Variants in SPATA31E1 observed in about 807,000 individuals in gnomAD.
SPATA31E1 encodes the protein spermatogenesis-associated protein 31E1.
In SPATA31E1, 7 loss-of-function variants were observed where a neutral mutation model predicts 12.9. That is an observed-to-expected ratio of 0.54 (90% CI 0.31 to 1.02). The LOEUF (loss-of-function observed/expected upper bound fraction) is 1.02, where lower values mean the gene tolerates loss of function less well. SPATA31E1 is among the 50% of genes least tolerant of loss of function. The pLI is 0.05. For synonymous variants in SPATA31E1, 771 were observed against 719.0 expected (o/e 1.07, Z -1.16); for missense variants, 1,961 against 1,799.8 (o/e 1.09, Z -1.62).
rs1300141052 is a variant in SPATA31E1, at chr9:87,886,946, C to A, written c.2459C>A (p.Thr820Asn). The A allele has an allele frequency of 1.2e-6, 2 of 1,613,988 alleles. No homozygotes were observed. The highest frequency in any genetic ancestry group is 1.7e-6 in the Non-Finnish European group (2 of 1,180,024). Residue 820 changes from threonine (T) to asparagine (N), a missense_variant, in exon 4 of 4, where the codon ACC becomes AAC. Physicochemically the swap from Thr to Asn is moderately conservative, Grantham distance 65 (BLOSUM62 0). Transcript: ENST00000325643. ...SWRGGKAHVN[T>N]SQELSFLHPC... Reference sequence around the variant, plus strand: ...AGGGGTGGGAAAGCCCACGTGAACACCTCCCAGGAGCTTTCCTTCCTCCAT... The same window carrying A: ...AGGGGTGGGAAAGCCCACGTGAACAACTCCCAGGAGCTTTCCTTCCTCCAT...
In SPATA31E1 at chr9:87,885,221, C is replaced by T. The variant is rs1293725363; in HGVS notation, c.734C>T (p.Ser245Leu). ...CAGCCACATGTGGTTTTTCCTCCTT[C>T]ACCACAGCCGCATGGTCCCCTGGCC... ...ATQPHVVFPP[S>L]PQPHGPLASS... The change falls in exon 4 of 4, where the codon TCA (serine) becomes TTA (leucine). Residue 245 changes from serine to leucine, a missense_variant. Ser to Leu is a moderately radical substitution (Grantham distance 145). Transcript: ENST00000325643. 2 of 1,614,008 alleles carry T rather than the reference C, an allele frequency of 1.2e-6. No individual in the cohort carries two copies. The highest frequency in any genetic ancestry group is 1.7e-6 in the Non-Finnish European group (2 of 1,180,018).
chr9:87,888,083 G>C lies in SPATA31E1; in HGVS notation c.3596G>C (p.Gly1199Ala). 6.2e-7 allele frequency: 1 copy of C among 1,602,182 alleles called. No individual in the cohort carries two copies. Among genetic ancestry groups the C allele is most frequent in the Non-Finnish European group, 8.5e-7 (1 of 1,174,356 alleles). Reference sequence around the variant, plus strand: ...CCACAGAAGAGTCAGAAGACGCTGGGCTGTGCGGACAAGGGCGAGGCCCAC... The same window carrying C: ...CCACAGAAGAGTCAGAAGACGCTGGCCTGTGCGGACAAGGGCGAGGCCCAC... ...KAPQKSQKTL[G>A]CADKGEAHRR... Residue 1199 changes from glycine to alanine, a missense_variant, in exon 4 of 4, where the codon GGC becomes GCC. Physicochemically the swap from Gly to Ala is moderately conservative, Grantham distance 60. Coordinates refer to ENST00000325643, the MANE Select transcript of SPATA31E1 (RefSeq NM_178828.5).
rs1301650362 is a variant in SPATA31E1 at position 87,886,758 on chromosome 9, C to A, written c.2271C>A (p.Asp757Glu). ...QSVSSTPRDP[D>E]KEHLENKLQI... ...TAAGTTCCACACCCAGGGACCCAGA[C>A]AAGGAGCATCTGGAAAACAAGCTGC... The change falls in exon 4 of 4, where the codon GAC (aspartate) becomes GAA (glutamate). Residue 757 changes from aspartate to glutamate, a missense_variant. Coordinates refer to ENST00000325643, the MANE Select transcript of SPATA31E1 (RefSeq NM_178828.5). 1.2e-6 allele frequency: 2 copies of A among 1,614,024 alleles called. No individual in the cohort carries two copies. Among genetic ancestry groups the A allele is most frequent in the Non-Finnish European group, 1.7e-6 (2 of 1,180,030 alleles).
Position 87,887,697 on chromosome 9 carries a change from G to T in SPATA31E1, c.3210G>T (p.Leu1070=), listed in dbSNP as rs1828308645. Residue 1070 remains leucine, a synonymous_variant, in exon 4 of 4, where the codon CTG becomes CTT. Transcript: ENST00000325643. ...AGGATCTGAGGAGCACAGGGGCTCTGGGGACCACTGGTAACCCCTCAGCGT... is the reference window on the plus strand; with the variant it reads ...AGGATCTGAGGAGCACAGGGGCTCTTGGGACCACTGGTAACCCCTCAGCGT... ...VQEDLRSTGA[L]GTTGNPSASS... is the part of the protein sequence containing the mutation. The T allele has an allele frequency of 8.7e-6, 14 of 1,614,034 alleles. No individual in the cohort carries two copies. The South Asian group carries it at 1.5e-4, about 18-fold the overall frequency.
intron 1 of SPATA31E1, among the ~76,000 whole-genome samples, 154 bp downstream of exon 1, chr9:87,883,354 C>T (rs1828203543): frequency 6.6e-6 from 1 of 152,166 alleles, no homozygotes; most frequent in Non-Finnish European, 1.5e-5. Flanking sequence ...TGAGAGTGGG[C>T]AGAGGATTCC....
In SPATA31E1 at chr9:87,885,473, G is replaced by A. The variant is rs778966597; in HGVS notation, c.986G>A (p.Arg329Gln). The change falls in exon 4 of 4, where the codon CGG becomes CAG. Residue 329 changes from arginine (R) to glutamine (Q), a missense_variant. Transcript: ENST00000325643. ...TACTCACATGGCAAATCCCAGCCAC[G>A]GCATCTTCCCGACCACACCTCAGAG... The part of the protein sequence containing the change: ...STYSHGKSQP[R>Q]HLPDHTSEAS... The A allele has an allele frequency of 2.2e-5, 36 of 1,613,902 alleles. No homozygotes were observed. In the Middle Eastern group the frequency reaches 4.9e-4, roughly 22 times the overall value.
rs1828228677 is a variant in SPATA31E1, at chr9:87,884,588, C to T, written c.365-3C>T. The T allele has an allele frequency of 6.2e-7, 1 of 1,614,008 alleles. No individual in the cohort carries two copies. The highest frequency in any genetic ancestry group is 1.1e-5 in the South Asian group (1 of 91,074). The stretch of plus-strand genomic sequence containing the variant: ...CACCATAACCCTGTCTCCTGATTTC[C>T]AGCTTGCAGAATCCTCCTGAGGGAG... On this transcript the variant is annotated splice_polypyrimidine_tract_variant and splice_region_variant and intron_variant, in intron 2 of 3. Transcript: ENST00000325643.
chr9:87,888,370 G>T lies in SPATA31E1; in HGVS notation c.3883G>T (p.Asp1295Tyr), dbSNP rs1326472007. The T allele has an allele frequency of 1.2e-6, 2 of 1,614,096 alleles. No individual in the cohort carries two copies. Among genetic ancestry groups the T allele is most frequent in the Non-Finnish European group, 1.7e-6 (2 of 1,180,034 alleles). Residue 1295 changes from aspartate to tyrosine, a missense_variant, in exon 4 of 4, where the codon GAT (aspartate) becomes TAT (tyrosine). Coordinates refer to ENST00000325643, the MANE Select transcript of SPATA31E1 (RefSeq NM_178828.5). ...DVLQKGKPGA[D>Y]AFQSWGSGPP... ...CCTGCAGAAAGGCAAGCCTGGGGCA[G>T]ATGCTTTCCAGAGCTGGGGGTCTGG...
At position 87,888,493 on chromosome 9, in the gene SPATA31E1, G is replaced by A; in HGVS notation, c.4006G>A (p.Gly1336Arg). The part of the protein sequence containing the change: ...ILVDKLGLQW[G>R]RGPSEVNRHK... ...GGTGGACAAACTGGGGCTTCAGTGG[G>A]GACGAGGTCCCTCAGAGGTCAATCG... Residue 1336 changes from glycine (G) to arginine (R), a missense_variant, in exon 4 of 4, where the codon GGA (glycine) becomes AGA (arginine). Transcript: ENST00000325643. 2 of 1,614,132 alleles carry A rather than the reference G, an allele frequency of 1.2e-6. No individual in the cohort carries two copies. Among genetic ancestry groups the A allele is most frequent in the Non-Finnish European group, 1.7e-6 (2 of 1,180,018 alleles).
At position 87,886,611 on chromosome 9, in the gene SPATA31E1, A is replaced by T. The variant is rs1182061469; in HGVS notation, c.2124A>T (p.Leu708Phe). Residue 708 changes from leucine (L) to phenylalanine (F), a missense_variant, in exon 4 of 4, where the codon TTA (leucine) becomes TTT (phenylalanine). Leu to Phe is a conservative substitution (Grantham distance 22). Coordinates refer to ENST00000325643, the MANE Select transcript of SPATA31E1 (RefSeq NM_178828.5). ...GAAGGTTCTCTGACAAGGGGTGCTT[A>T]GGGTCCAAACTAGGGCCGGACCCAA... ...SSGRFSDKGC[L>F]GSKLGPDPSR... 6.2e-7 allele frequency: 1 copy of T among 1,614,070 alleles called. No homozygotes were observed. The highest frequency in any genetic ancestry group is 1.3e-5 in the African/African-American group (1 of 75,038).
chr9:87,885,843 G>A lies in SPATA31E1; in HGVS notation c.1356G>A (p.Ala452=), dbSNP rs201592883. 14 of 1,613,674 alleles carry A rather than the reference G, an allele frequency of 8.7e-6. No individual in the cohort carries two copies. The highest frequency in any genetic ancestry group is 1.1e-5 in the Non-Finnish European group (13 of 1,180,032). ...DLPSLNSESL[A]TTVWVSRNPS... ...CCTCTCTCAATAGCGAGTCCCTGGCGACCACAGTCTGGGTTTCTAGGAACC... is the reference window on the plus strand; with the variant it reads ...CCTCTCTCAATAGCGAGTCCCTGGCAACCACAGTCTGGGTTTCTAGGAACC... The change falls in exon 4 of 4, where the codon GCG becomes GCA. Residue 452 remains alanine (A), a synonymous_variant. Transcript: ENST00000325643.
rs1301099258 is a variant in SPATA31E1 at position 87,885,409 on chromosome 9, T to C, written c.922T>C (p.Cys308Arg). ...CSSDPIWDLY[C>R]WREAATTWGL... The stretch of plus-strand genomic sequence containing the variant: ...CAGCGATCCCATCTGGGACCTCTAT[T>C]GCTGGAGGGAGGCTGCCACCACCTG... The change falls in exon 4 of 4, where the codon TGC (cysteine) becomes CGC (arginine). Residue 308 changes from cysteine to arginine, a missense_variant. Coordinates refer to ENST00000325643, the MANE Select transcript of SPATA31E1 (RefSeq NM_178828.5). 3 of 1,613,992 alleles carry C rather than the reference T, an allele frequency of 1.9e-6. No homozygotes were observed. The South Asian group carries it at 3.3e-5, about 18-fold the overall frequency.
rs556385204 is a variant in SPATA31E1 at position 87,888,336 on chromosome 9, G to A, written c.3849G>A (p.Trp1283Ter). Residue 1283 changes from tryptophan to a stop codon, truncating the protein, a stop_gained, in exon 4 of 4, where the codon TGG (tryptophan) becomes TGA (stop). Transcript: ENST00000325643. LOFTEE classifies it low-confidence loss of function (END_TRUNC). ...GLHPRKGGTR[W>*]EDVLQKGKPG... ...ACCCCAGGAAAGGAGGCACACGGTGGGAAGATGTCCTGCAGAAAGGCAAGC... is the reference window on the plus strand; with the variant it reads ...ACCCCAGGAAAGGAGGCACACGGTGAGAAGATGTCCTGCAGAAAGGCAAGC... 6 of 1,614,178 alleles carry A rather than the reference G, an allele frequency of 3.7e-6. No homozygotes were observed. The highest frequency in any genetic ancestry group is 1.6e-4 in the Middle Eastern group (1 of 6,062).
chr9:87,888,111 G>A lies in SPATA31E1; in HGVS notation c.3624G>A (p.Arg1208=), dbSNP rs769016236. Residue 1208 remains arginine (R), a synonymous_variant, in exon 4 of 4, where the codon AGG becomes AGA. Coordinates refer to ENST00000325643, the MANE Select transcript of SPATA31E1 (RefSeq NM_178828.5). The stretch of plus-strand genomic sequence containing the variant: ...GTGCGGACAAGGGCGAGGCCCACAG[G>A]AGGCCCAGAACAGGGGAGCAGGGAC... ...LGCADKGEAH[R]RPRTGEQGHR... 3 of 1,605,062 alleles carry A rather than the reference G, an allele frequency of 1.9e-6. No individual in the cohort carries two copies. The highest frequency in any genetic ancestry group is 1.1e-5 in the South Asian group (1 of 90,388).
Position 87,887,556 on chromosome 9 carries a change from G to T in SPATA31E1, c.3069G>T (p.Gly1023=), listed in dbSNP as rs891772377. 1.2e-6 allele frequency: 2 copies of T among 1,614,006 alleles called. No homozygotes were observed. Among genetic ancestry groups the T allele is most frequent in the African/African-American group, 1.3e-5 (1 of 74,938 alleles). The change falls in exon 4 of 4, where the codon GGG becomes GGT. Residue 1023 remains glycine, a synonymous_variant. Coordinates refer to ENST00000325643, the MANE Select transcript of SPATA31E1 (RefSeq NM_178828.5). The part of the protein sequence containing the change: ...SSRALQVLSI[G]SQWARAEDAL... ...GAGCCCTGCAAGTGCTCAGCATAGG[G>T]TCCCAGTGGGCAAGGGCTGAAGATG...
In SPATA31E1 at chr9:87,885,790, A is replaced by G. The variant is rs746259822; in HGVS notation, c.1303A>G (p.Lys435Glu). Residue 435 changes from lysine (K) to glutamate (E), a missense_variant, in exon 4 of 4, where the codon AAA becomes GAA. By Grantham distance (56) the Lys-to-Glu change is moderately conservative. Coordinates refer to ENST00000325643, the MANE Select transcript of SPATA31E1 (RefSeq NM_178828.5). ...ATTVGNHLQQ[K>E]RSQLFWDLPS... ...AACCGTGGGGAACCACTTACAGCAGAAACGCAGCCAGCTTTTCTGGGACCT... is the reference window on the plus strand; with the variant it reads ...AACCGTGGGGAACCACTTACAGCAGGAACGCAGCCAGCTTTTCTGGGACCT... 2.1e-5 allele frequency: 34 copies of G among 1,613,884 alleles called. No homozygotes were observed. Among genetic ancestry groups the G allele is most frequent in the Middle Eastern group, 1.6e-4 (1 of 6,084 alleles).
Position 87,885,935 on chromosome 9 carries a change from A to G in SPATA31E1, c.1448A>G (p.Glu483Gly), listed in dbSNP as rs758104774. Residue 483 changes from glutamate (E) to glycine (G), a missense_variant, in exon 4 of 4, where the codon GAG becomes GGG. By Grantham distance (98) the Glu-to-Gly change is moderately conservative. Transcript: ENST00000325643. ...TCCACTTCTCTTCCAGGTGAACCTG[A>G]GGTTGAGGCATCCTCACAGCTTTCC... ...KASTSLPGEP[E>G]VEASSQLSQA... 2 of 1,613,870 alleles carry G rather than the reference A, an allele frequency of 1.2e-6. No homozygotes were observed. The highest frequency in any genetic ancestry group is 2.2e-5 in the South Asian group (2 of 91,078).
In SPATA31E1 at chr9:87,887,690, G is replaced by A. The variant is rs1362221961; in HGVS notation, c.3203G>A (p.Gly1068Glu). 2 of 1,613,998 alleles carry A rather than the reference G, an allele frequency of 1.2e-6. No individual in the cohort carries two copies. The highest frequency in any genetic ancestry group is 4.5e-5 in the East Asian group (2 of 44,896). Residue 1068 changes from glycine (G) to glutamate (E), a missense_variant, in exon 4 of 4, where the codon GGG becomes GAG. Gly to Glu is a moderately conservative substitution (Grantham distance 98). Transcript: ENST00000325643. ...GTTCAGGAGGATCTGAGGAGCACAG[G>A]GGCTCTGGGGACCACTGGTAACCCC... ...GSVQEDLRST[G>E]ALGTTGNPSA... is the part of the protein sequence containing the mutation.
At position 87,882,944 on chromosome 9, in the gene SPATA31E1, G is replaced by T. The variant is rs545608376; in HGVS notation, c.53G>T (p.Ser18Ile). 6.8e-6 allele frequency: 11 copies of T among 1,613,092 alleles called. No homozygotes were observed. Among genetic ancestry groups the T allele is most frequent in the Non-Finnish European group, 9.3e-6 (11 of 1,179,944 alleles). Residue 18 changes from serine to isoleucine, a missense_variant, in exon 1 of 4, where the codon AGT becomes ATT. Physicochemically the swap from Ser to Ile is moderately radical, Grantham distance 142. Transcript: ENST00000325643. The part of the protein sequence containing the change: ...LGKGRAGRVE[S>I]GQRIPPPAPR... ...AAGGGCAGGGCAGGCAGGGTTGAGA[G>T]TGGGCAGAGGATTCCACCCCCAGCT...
Sources: gnomAD v4.1 joint callset for allele counts (sites outside exome capture counted in the v4.1 genomes callset) on GRCh38, gnomAD v4.1.1 for gene constraint, MANE v1.5 for transcripts, NCBI Gene and HGNC (gene_info 2026-07-23, HGNC 2026-07-21) for gene names.